Variants in ZNF800 observed in about 807,000 individuals in gnomAD.
ZNF800 encodes zinc finger protein 800.
Under a neutral mutation model 59.5 loss-of-function variants are expected in ZNF800, and 13 were observed. That is an observed-to-expected ratio of 0.22 (90% CI 0.14 to 0.35). ZNF800 has a LOEUF of 0.35. ZNF800 is among the 10% of genes least tolerant of loss of function. The pLI is 1.00. For synonymous variants in ZNF800, 266 were observed against 265.7 expected (o/e 1.00, Z -0.01); for missense variants, 621 against 783.7 (o/e 0.79, Z 2.48).
intron 3 of ZNF800, among the ~76,000 whole-genome samples, chr7:127,382,280 C>A (rs1800999749): frequency 6.6e-6 from 1 of 152,078 alleles, no homozygotes; most frequent in Admixed American, 6.6e-5. Flanking sequence ...TTCCATAGTT[C>A]CTTTGCCTCT....
chr7:127,388,862 TAC>T (rs1317700461), intron 2 of ZNF800, among the ~76,000 whole-genome samples: 1 of 152,208 alleles, frequency 6.6e-6, no homozygotes, highest in Non-Finnish European at 1.5e-5. Context: ...CTTGAAAACA[TAC>T]TCTCAACTCT....
chr7:127,357,860 GAGAC>G (rs1379232924), intron 1 of ZNF800, among the ~76,000 whole-genome samples: 1 of 151,908 alleles, frequency 6.6e-6, no homozygotes, highest in East Asian at 1.9e-4. Flanking sequence ...GAGAGAGAGA[GAGAC>G]AGCATCAGAG....
In ZNF800 at chr7:127,392,331, A is replaced by AGGCGCGCGGGC; in HGVS notation, c.-341_-331dup. On this transcript the variant is annotated 5_prime_UTR_variant, in exon 1 of 6. Coordinates refer to ENST00000265827, the MANE Select transcript of ZNF800 (RefSeq NM_176814.5). Reference sequence around the variant, plus strand: ...CCTCCGCGCTGTGTGGCTAGGCGGGAGGCGCGCGGGCGGAGGCAGTTGACA... The same window carrying AGGCGCGCGGGC: ...CCTCCGCGCTGTGTGGCTAGGCGGGAGGCGCGCGGGCGGCGCGCGGGCGGAGGCAGTTGACA... 2.6e-6 allele frequency: 1 copy of AGGCGCGCGGGC among 380,406 alleles called. No homozygotes were observed. Among genetic ancestry groups the AGGCGCGCGGGC allele is most frequent in the Non-Finnish European group, 4.7e-6 (1 of 214,676 alleles). 23.6% of individuals were successfully genotyped at this position (380,406 alleles called of 1,614,324 possible).
intron 1 of ZNF800, among the ~76,000 whole-genome samples, chr7:127,351,200 T>C (rs1298815210): frequency 6.6e-6 from 1 of 152,212 alleles, no homozygotes; most frequent in Non-Finnish European, 1.5e-5. Context: ...CCTTACACTA[T>C]TGTTTCCCAC....
At position 127,374,243 on chromosome 7, in the gene ZNF800, T is replaced by G. The variant is rs1198490437; in HGVS notation, c.1093A>C (p.Lys365Gln). The G allele has an allele frequency of 6.2e-7, 1 of 1,614,090 alleles. No homozygotes were observed. Among genetic ancestry groups the G allele is most frequent in the Non-Finnish European group, 8.5e-7 (1 of 1,179,992 alleles). Residue 365 changes from lysine (K) to glutamine (Q), a missense_variant, in exon 5 of 6, where the codon AAG becomes CAG. By Grantham distance (53) the Lys-to-Gln change is moderately conservative. Transcript: ENST00000265827. The part of the protein sequence containing the change: ...NLTACKCLLC[K>Q]RKYSSQIMLK... ...ATTATTTGTGAACTATATTTCCTCT[T>G]GCAAAGGAGGCATTTGCATGCAGTT...
At chr7:127,353,039 T>C (rs983943559) in intron 1 of ZNF800, among the ~76,000 whole-genome samples, 3 of 152,186 alleles carry the variant, frequency 2.0e-5, no homozygotes, top group East Asian at 3.9e-4. Context: ...AAAGTGGTTT[T>C]TTCCCCCCAA....
chr7:127,347,390 G>A (rs1478987590), exon 2 of ZNF800: 1 of 142,872 alleles, frequency 7.0e-6, no homozygotes, highest in Non-Finnish European at 1.5e-5. Flanking sequence ...GCGGGGGGGT[G>A]GGGAGGTGGG....
chr7:127,374,654 G>T lies in ZNF800; in HGVS notation c.682C>A (p.His228Asn), dbSNP rs866445970. Reference sequence around the variant, plus strand: ...CTACAAAGACAACATATCAACTGGTGACCAAAATCAGAATTGTCAGAAGTT... The same window carrying T: ...CTACAAAGACAACATATCAACTGGTTACCAAAATCAGAATTGTCAGAAGTT... ...LETSDNSDFG[H>N]QLICCLCRKE... Residue 228 changes from histidine to asparagine, a missense_variant, in exon 5 of 6, where the codon CAC becomes AAC. Transcript: ENST00000265827. 1 of 1,613,898 alleles carries T rather than the reference G, an allele frequency of 6.2e-7. No homozygotes were observed. The highest frequency in any genetic ancestry group is 1.3e-5 in the African/African-American group (1 of 75,000).
intron 1 of ZNF800, among the ~76,000 whole-genome samples, chr7:127,354,073 C>T (rs1800222987): frequency 6.6e-6 from 1 of 152,108 alleles, no homozygotes; most frequent in Non-Finnish European, 1.5e-5. Context: ...TTGAGATAAA[C>T]TGTTTGTACA....
intron 3 of ZNF800, among the ~76,000 whole-genome samples, chr7:127,382,530 A>G (rs1587450129): frequency 6.6e-6 from 1 of 152,184 alleles, no homozygotes; most frequent in East Asian, 1.9e-4. Context: ...TGACACAGCC[A>G]AAGCCAAACT....
At chr7:127,344,247 T>C (rs1389497069), downstream of ZNF800, among the ~76,000 whole-genome samples, 3 of 151,356 alleles carry the variant, frequency 2.0e-5, no homozygotes, top group East Asian at 5.8e-4. Context: ...CCAGAAGGAG[T>C]AGCCACTAAT....
rs985918088 is a variant in ZNF800, at chr7:127,358,121, A to G, written n.225-10078T>C. 5.9e-5 allele frequency among the ~76,000 whole-genome samples: 9 copies of G among 152,054 alleles called. No individual in the cohort carries two copies. In the South Asian group the frequency reaches 1.9e-3, roughly 32 times the overall value. On this transcript the variant is annotated intron_variant and non_coding_transcript_variant, in intron 1 of 1. Coordinates refer to the ZNF800 transcript ENST00000485577. ...ATTCTACTCCTATTAAGCATCTCCA[A>G]TTAGATATCCCTCTACCACCTCAAA...
chr7:127,372,119 G>A (rs1800647661), intron 5 of ZNF800, among the ~76,000 whole-genome samples: 2 of 152,168 alleles, frequency 1.3e-5, no homozygotes, highest in Admixed American at 1.3e-4. Context: ...AAAAGTATAG[G>A]GAGTCTACTC....
downstream of ZNF800, among the ~76,000 whole-genome samples, chr7:127,344,061 G>A (rs1273212556): frequency 1.3e-5 from 2 of 151,894 alleles, no homozygotes; most frequent in Non-Finnish European, 1.5e-5. Flanking sequence ...AGGAATAAGG[G>A]CAAAGTTATT....
chr7:127,360,436 T>C (rs948370786), intron 1 of ZNF800: 1 of 152,150 alleles, frequency 6.6e-6, no homozygotes, highest in African/African-American at 2.4e-5. Context: ...CACTCTATTT[T>C]GTAAAACAGA....
At chr7:127,361,169 C>T (rs1587427169) in intron 1 of ZNF800, 1 of 151,988 alleles carries the variant, frequency 6.6e-6, no homozygotes, top group East Asian at 1.9e-4. Context: ...TACTCAGCTG[C>T]CTTGGACAGG....
chr7:127,357,795 G>A (rs1268828836), intron 1 of ZNF800, among the ~76,000 whole-genome samples: 1 of 151,654 alleles, frequency 6.6e-6, no homozygotes, highest in Non-Finnish European at 1.5e-5. Flanking sequence ...ACTTCTCAGA[G>A]TAAAATCAAA....
At chr7:127,373,165 G>T (rs1800678130) in intron 5 of ZNF800, 177 bp downstream of exon 5, 1 of 985,388 alleles carries the variant, frequency 1.0e-6, no homozygotes, top group African/African-American at 1.7e-5. Flanking sequence ...CAAGCCACTG[G>T]AATAAAGGTC....
At position 127,374,499 on chromosome 7, in the gene ZNF800, C is replaced by T. The variant is rs776349132; in HGVS notation, c.837G>A (p.Lys279=). The change falls in exon 5 of 6, where the codon AAG becomes AAA. Residue 279 remains lysine, a synonymous_variant. Coordinates refer to ENST00000265827, the MANE Select transcript of ZNF800 (RefSeq NM_176814.5). ...NPNQSSKGRS[K]NVLVPLSRSC... ...TCCTACTTAATGGAACTAGAACATT[C>T]TTACTGCGTCCTTTAGAGGATTGGT... is the stretch of plus-strand genomic sequence containing the variant. The T allele has an allele frequency of 1.9e-6, 3 of 1,614,032 alleles. No individual in the cohort carries two copies.
Sources: allele counts gnomAD v4.1 joint callset (sites outside exome capture counted in the v4.1 genomes callset), GRCh38; gene constraint gnomAD v4.1.1; transcripts MANE v1.5; gene names NCBI Gene and HGNC (gene_info 2026-07-23, HGNC 2026-07-21).